The following ZNF536 variants were observed in gnomAD, a reference collection of about 807,000 sequenced individuals.
ZNF536 encodes zinc finger protein 536.
In ZNF536, 13 loss-of-function variants were observed where a neutral mutation model predicts 84.5. The observed-to-expected ratio is 0.15, with a 90% CI of 0.10 to 0.24. The LOEUF is 0.24. Among genes scored for constraint, ZNF536 ranks in the 10% least tolerant of loss-of-function variants. ZNF536 has a pLI of 1.00. For missense variants in ZNF536, 1,536 were observed against 1,747.5 expected, an observed-to-expected ratio of 0.88 and a Z score of 2.16; for synonymous variants, 811 against 742.5, an observed-to-expected ratio of 1.09 and a Z score of -1.50.
At chr19:30,315,953 G>A (rs2046664298) in intron 2 of ZNF536, among the ~76,000 whole-genome samples, 1 of 152,108 alleles carries the variant, frequency 6.6e-6, no homozygotes, top group African/African-American at 2.4e-5. Flanking sequence ...CAGATACATA[G>A]GAGGTGCACA....
intron 1 of ZNF536, among the ~76,000 whole-genome samples, chr19:30,582,371 T>TTC (rs1349742886): frequency 1.0e-4 from 15 of 145,396 alleles, no homozygotes; most frequent in African/African-American, 3.6e-4. Context: ...TCTTCCTAGT[T>TTC]TCTCTTTTTT....
At chr19:30,360,038 C>G (rs1301255123) in intron 3 of ZNF536, among the ~76,000 whole-genome samples, 2 of 152,218 alleles carry the variant, frequency 1.3e-5, no homozygotes, top group Non-Finnish European at 2.9e-5. Context: ...CCAAAGACCT[C>G]AGCTTCCCCC....
chr19:30,325,887 C>T (rs373134191), intron 2 of ZNF536, among the ~76,000 whole-genome samples: 28 of 152,120 alleles, frequency 1.8e-4, no homozygotes, highest in East Asian at 1.3e-3. Flanking sequence ...GTGGGGGTGT[C>T]GCCTCTCCTC....
intron 3 of ZNF536, among the ~76,000 whole-genome samples, chr19:30,355,821 G>A (rs1467747403): frequency 1.3e-5 from 2 of 152,122 alleles, no homozygotes; most frequent in Non-Finnish European, 2.9e-5. Context: ...TCTAGGTTGC[G>A]TGCTCCTTAT....
At chr19:30,239,262 G>A (rs2023764126) in intron 1 of ZNF536, among the ~76,000 whole-genome samples, 1 of 152,190 alleles carries the variant, frequency 6.6e-6, no homozygotes, top group Non-Finnish European at 1.5e-5. Flanking sequence ...AGGTGGCCTT[G>A]GGCTTTGAAA....
intron 3 of ZNF536, among the ~76,000 whole-genome samples, chr19:30,545,110 G>T (rs1035086086): frequency 1.7e-4 from 26 of 152,324 alleles, no homozygotes; most frequent in African/African-American, 6.3e-4. Context: ...AACCAAGTTT[G>T]CATCTTTGGC....
chr19:30,496,844 C>T (rs1471309186), intron 2 of ZNF536, among the ~76,000 whole-genome samples: 10 of 152,046 alleles, frequency 6.6e-5, no homozygotes, highest in African/African-American at 2.4e-4. Context: ...TAGGTCCACA[C>T]AGCTACGAGG....
intron 1 of ZNF536, among the ~76,000 whole-genome samples, chr19:30,431,750 A>G (rs1217570854): frequency 6.6e-6 from 1 of 152,082 alleles, no homozygotes; most frequent in Non-Finnish European, 1.5e-5. Context: ...TGCCCCAGGG[A>G]GGGGTCCTGC....
intron 2 of ZNF536, among the ~76,000 whole-genome samples, chr19:30,503,744 C>A (rs908798923): frequency 6.6e-6 from 1 of 152,186 alleles, no homozygotes; most frequent in Admixed American, 6.5e-5. Flanking sequence ...TTCTCCATCC[C>A]CTATCTCCCT....
upstream of ZNF536, chr19:30,372,326 G>C (rs1481383483): frequency 6.6e-6 from 1 of 152,238 alleles, no homozygotes; most frequent in Non-Finnish European, 1.5e-5. Context: ...GTGTGATTTT[G>C]CTGCTCACAC....
At chr19:30,555,763 T>C (rs1019739562) in intron 4 of ZNF536, 1 of 152,176 alleles carries the variant, frequency 6.6e-6, no homozygotes, top group Non-Finnish European at 1.5e-5. Context: ...ATTGGTACAT[T>C]TTTCATCTTG....
chr19:30,642,658 A>G (rs2049308447), intron 1 of ZNF536, among the ~76,000 whole-genome samples: 1 of 152,236 alleles, frequency 6.6e-6, no homozygotes, highest in Admixed American at 6.5e-5. Context: ...AAGTGCCTGC[A>G]GGAGGTCCTC....
intron 4 of ZNF536, among the ~76,000 whole-genome samples, chr19:30,551,452 T>G (rs1313487132): frequency 6.6e-6 from 1 of 152,182 alleles, no homozygotes; most frequent in Non-Finnish European, 1.5e-5. Context: ...TTCTCACCTT[T>G]TCCCAAAACA....
In ZNF536 at chr19:30,464,879, C is replaced by A. The variant is rs539103254; in HGVS notation, c.2170+19147C>A. On this transcript the variant is annotated intron_variant, in intron 2 of 4. Coordinates refer to ENST00000355537, the MANE Select transcript of ZNF536 (RefSeq NM_014717.3). ...CAAGGTTCTGTGGAGGCCTAGAGGG[C>A]CCCTTTGATGGCTGTGGCTCTTCGG... Among the ~76,000 whole-genome samples the A allele has an allele frequency of 4.7e-4, 71 of 152,068 alleles. 1 individual carries two copies. The highest frequency in any genetic ancestry group is 1.7e-3 in the African/African-American group (70 of 41,460).
intron 1 of ZNF536, among the ~76,000 whole-genome samples, chr19:30,614,260 C>A (rs769371962): frequency 4.6e-5 from 7 of 152,212 alleles, no homozygotes; most frequent in Middle Eastern, 3.4e-3. Flanking sequence ...TTTGCCATTG[C>A]TTTTAATGGC....
At chr19:30,443,137 A>G (rs529416395) in intron 1 of ZNF536, among the ~76,000 whole-genome samples, 16 of 151,828 alleles carry the variant, frequency 1.1e-4, no homozygotes, top group Non-Finnish European at 1.6e-4. Context: ...AGAAGTTCCA[A>G]GTGGGTTTAT....
intron 2 of ZNF536, among the ~76,000 whole-genome samples, chr19:30,484,306 AACCTCTG>A (rs1455732396): frequency 6.8e-6 from 1 of 146,872 alleles, no homozygotes; most frequent in Non-Finnish European, 1.5e-5. Flanking sequence ...AGCTCACTGC[AACCTCTG>A]CCTCCTAGGT....
At chr19:30,701,744 G>A (rs1465961760) in intron 1 of ZNF536, among the ~76,000 whole-genome samples, 2 of 152,210 alleles carry the variant, frequency 1.3e-5, no homozygotes, top group Non-Finnish European at 2.9e-5. Flanking sequence ...TTGAATTCCT[G>A]ATCAGTAAGC....
At chr19:30,590,396 C>A (rs1294651191) in intron 1 of ZNF536, among the ~76,000 whole-genome samples, 1 of 152,172 alleles carries the variant, frequency 6.6e-6, no homozygotes, top group African/African-American at 2.4e-5. Flanking sequence ...GTGTCTTGGG[C>A]AAAGGAGAGT....
Sources: gnomAD v4.1 joint callset for allele counts (sites outside exome capture counted in the v4.1 genomes callset) on GRCh38, gnomAD v4.1.1 for gene constraint, MANE v1.5 for transcripts, NCBI Gene and HGNC (gene_info 2026-07-23, HGNC 2026-07-21) for gene names.